The following NAV1 variants were observed in gnomAD, a reference collection of about 807,000 sequenced individuals.
The protein encoded by NAV1 is pore membrane and/or filament interacting like protein 3.
A neutral mutation model predicts 175.2 loss-of-function variants in NAV1; 18 were observed. That is an observed-to-expected ratio of 0.10 (90% CI 0.07 to 0.15). NAV1 has a LOEUF of 0.15. NAV1 is among the 10% of genes least tolerant of loss of function. The pLI is 1.00. For synonymous variants in NAV1, 897 were observed against 978.7 expected (o/e 0.92, Z 1.56); for missense variants, 1,731 against 2,436.6 (o/e 0.71, Z 6.10).
At chr1:201,775,671 T>C (rs549048396) in intron 3 of NAV1, among the ~76,000 whole-genome samples, 16 of 152,308 alleles carry the variant, frequency 1.1e-4, no homozygotes, top group South Asian at 4.2e-4. Context: ...AATGAGTGAA[T>C]GAATGTCTCC....
chr1:201,562,906 A>T (rs1291030807), intron 1 of NAV1, among the ~76,000 whole-genome samples: 2 of 152,178 alleles, frequency 1.3e-5, no homozygotes, highest in African/African-American at 4.8e-5. Flanking sequence ...GGATCACGGG[A>T]TCTGTCTGAG....
chr1:201,541,484 TG>T (rs1665511270), intron 1 of NAV1, among the ~76,000 whole-genome samples: 1 of 152,166 alleles, frequency 6.6e-6, no homozygotes. Flanking sequence ...AACCTTGGCC[TG>T]GGGAAACTGA....
chr1:201,579,599 AC>A (rs942601957), intron 1 of NAV1, among the ~76,000 whole-genome samples: 2 of 152,076 alleles, frequency 1.3e-5, no homozygotes, highest in African/African-American at 2.4e-5. Flanking sequence ...CAAGTGATCC[AC>A]CCACCTCGGC....
intron 2 of NAV1, among the ~76,000 whole-genome samples, chr1:201,589,145 G>C (rs902997884): frequency 6.6e-6 from 1 of 152,144 alleles, no homozygotes; most frequent in Non-Finnish European, 1.5e-5. Flanking sequence ...ACTGCACCCG[G>C]CCCAAAAGTT....
intron 3 of NAV1, among the ~76,000 whole-genome samples, chr1:201,771,617 C>T (rs563831019): frequency 1.3e-5 from 2 of 151,950 alleles, no homozygotes; most frequent in Admixed American, 1.3e-4. Context: ...GCGGAAGGGA[C>T]ATGTCCTTTT....
exon 23 of NAV1, chr1:201,809,951 T>C (rs1368324877): frequency 1.9e-6 from 3 of 1,612,484 alleles, no homozygotes; most frequent in East Asian, 2.2e-5. Flanking sequence ...GTCAGGACTA[T>C]ATTTCTAAAA....
chr1:201,683,094 T>A (rs1375805962), intron 1 of NAV1, among the ~76,000 whole-genome samples: 1 of 152,224 alleles, frequency 6.6e-6, no homozygotes, highest in Non-Finnish European at 1.5e-5. Flanking sequence ...TTACTCTCAG[T>A]CATCAGATTT....
chr1:201,783,584 G>A, exon 7 of NAV1: 1 of 1,614,078 alleles, frequency 6.2e-7, no homozygotes, highest in Non-Finnish European at 8.5e-7. Context: ...CCCCAGTCCG[G>A]CACCCATCCT....
chr1:201,699,281 T>C lies in NAV1; in HGVS notation c.758-13536T>C, dbSNP rs1303625118. On this transcript the variant is annotated intron_variant, in intron 1 of 29. Transcript: ENST00000367296. ...ATCAATGTGCAAAAATCACAAGCAT[T>C]CCTATACACCAATAACAGACAAACA... Among the ~76,000 whole-genome samples, 6 of 151,734 alleles carry C rather than the reference T, an allele frequency of 4.0e-5. No individual in the cohort carries two copies. The East Asian group carries it at 5.9e-4, about 15-fold the overall frequency.
Position 201,718,440 on chromosome 1 carries a change from T to C in NAV1, c.911T>C (p.Val304Ala). 6.4e-7 allele frequency: 1 copy of C among 1,562,696 alleles called. No homozygotes were observed. The highest frequency in any genetic ancestry group is 1.7e-4 in the Middle Eastern group (1 of 5,804). ...AGCGATGATGCCAACCCACGCAGCG[T>C]GTCCAGCCTCTCCAACCGCTCGTCC... Residue 304 changes from valine (V) to alanine (A), a missense_variant, in exon 3 of 30, where the codon GTG becomes GCG. Val to Ala is a moderately conservative substitution (Grantham distance 64). Transcript: ENST00000367296. The surrounding 1 kb of genome is among the most constrained non-coding windows in gnomAD (Gnocchi z 4.8).
chr1:201,605,194 C>T (rs1340420956), intron 2 of NAV1, among the ~76,000 whole-genome samples: 5 of 150,852 alleles, frequency 3.3e-5, no homozygotes, highest in African/African-American at 1.2e-4. Flanking sequence ...TTTGTGTTGC[C>T]CCTAGGGTGT....
intron 1 of NAV1, among the ~76,000 whole-genome samples, chr1:201,653,907 C>G (rs1469889018): frequency 6.6e-6 from 1 of 152,222 alleles, no homozygotes; most frequent in Non-Finnish European, 1.5e-5. Context: ...TCCTGCCTTC[C>G]TCCAGGTTGG....
chr1:201,798,789 G>T (rs1677641724), intron 15 of NAV1, among the ~76,000 whole-genome samples: 1 of 126,024 alleles, frequency 7.9e-6, no homozygotes, highest in South Asian at 2.4e-4. Context: ...TGTAACTTCT[G>T]CCTCCTGGGT....
At chr1:201,804,869 A>C (rs1678178906) in intron 17 of NAV1, among the ~76,000 whole-genome samples, 6 of 152,228 alleles carry the variant, frequency 3.9e-5, no homozygotes, top group Admixed American at 3.9e-4. Flanking sequence ...CTAGAGACCC[A>C]ACATGGAAGA....
chr1:201,687,612 A>T (rs1051659891), intron 1 of NAV1, among the ~76,000 whole-genome samples: 1 of 152,214 alleles, frequency 6.6e-6, no homozygotes, highest in Non-Finnish European at 1.5e-5. Flanking sequence ...AAAAAAAATG[A>T]GACTTTTGAA....
intron 2 of NAV1, among the ~76,000 whole-genome samples, chr1:201,617,913 T>C (rs1668050874): frequency 6.6e-6 from 1 of 152,120 alleles, no homozygotes; most frequent in Non-Finnish European, 1.5e-5. Context: ...GCAGAAAAAG[T>C]TCCCCTCATT....
chr1:201,763,025 A>C (rs944421637), intron 3 of NAV1, among the ~76,000 whole-genome samples: 2 of 152,222 alleles, frequency 1.3e-5, no homozygotes, highest in African/African-American at 4.8e-5. Context: ...CCTACTGACT[A>C]TTCTTAGAGC....
chr1:201,717,899 C>CTTCT (rs1354154862), intron 2 of NAV1, among the ~76,000 whole-genome samples: 1 of 152,208 alleles, frequency 6.6e-6, no homozygotes, highest in Admixed American at 6.5e-5. Flanking sequence ...TGACCAAGGC[C>CTTCT]TTCTAAGCTC....
rs78324048 is a variant in NAV1, at chr1:201,684,301, G to C, written c.758-28516G>C. 4.1e-3 allele frequency among the ~76,000 whole-genome samples: 622 copies of C among 152,128 alleles called. 6 individuals carry two copies. Among genetic ancestry groups the C allele is most frequent in the African/African-American group, 0.011 (465 of 41,468 alleles). ...GCTATCACTGTGGTGCATAGACCTA[G>C]GAATATATGTGTTTATATTAACCCA... On this transcript the variant is annotated intron_variant, in intron 1 of 29. Transcript: ENST00000367296.
Sources: gnomAD v4.1 joint callset for allele counts (sites outside exome capture counted in the v4.1 genomes callset) on GRCh38, gnomAD v4.1.1 for gene constraint, Gnocchi (gnomAD v3.1) non-coding constraint, MANE v1.5 for transcripts, NCBI Gene and HGNC (gene_info 2026-07-23, HGNC 2026-07-21) for gene names.